Variants in SUSD1 observed in about 807,000 individuals in gnomAD.
SUSD1 encodes sushi domain containing 1, also known as sushi domain-containing protein 1.
SUSD1 carries 65 observed loss-of-function variants against 86.9 expected under a neutral mutation model. That is an observed-to-expected ratio of 0.75 (90% CI 0.61 to 0.92). SUSD1 has a LOEUF of 0.92. SUSD1 is among the 40% of genes least tolerant of loss of function. The pLI, the probability that SUSD1 is intolerant of heterozygous loss-of-function variation, is 0.00. For missense variants in SUSD1, 850 were observed against 929.7 expected (o/e 0.91, Z 1.11); for synonymous variants, 346 against 350.0 (o/e 0.99, Z 0.13).
chr9:112,050,475 A>C (rs542515141), intron 15 of SUSD1, among the ~76,000 whole-genome samples: 1 of 152,318 alleles, frequency 6.6e-6, no homozygotes, highest in African/African-American at 2.4e-5. Flanking sequence ...TATTTCCTGC[A>C]CAGTATTCTC....
At chr9:112,159,066 T>C (rs1833458639) in intron 1 of SUSD1, among the ~76,000 whole-genome samples, 1 of 152,028 alleles carries the variant, frequency 6.6e-6, no homozygotes, top group South Asian at 2.1e-4. Context: ...CAAGTCCCAG[T>C]AGGATGACCA....
chr9:112,144,594 G>A (rs1030239572), intron 3 of SUSD1, among the ~76,000 whole-genome samples: 1 of 152,122 alleles, frequency 6.6e-6, no homozygotes, highest in Non-Finnish European at 1.5e-5. Flanking sequence ...GGAACGAAGT[G>A]AGAACCTGTC....
chr9:112,069,675 C>T (rs373472496), intron 12 of SUSD1, among the ~76,000 whole-genome samples: 14 of 145,650 alleles, frequency 9.6e-5, no homozygotes, highest in East Asian at 5.9e-4. Flanking sequence ...GTGAGAACTC[C>T]GCCCCACCCC....
At position 112,089,767 on chromosome 9, in the gene SUSD1, G is replaced by A. The variant is rs145572338; in HGVS notation, c.1474+8703C>T. The stretch of plus-strand genomic sequence containing the variant: ...GCGGAAGTTGCAGCGAGCTGAGATC[G>A]CGCCACTGCACTCCAGCCTGGGTGA... On this transcript the variant is annotated intron_variant, in intron 10 of 16. Coordinates refer to ENST00000374270, the MANE Select transcript of SUSD1 (RefSeq NM_022486.5). 6.6e-3 allele frequency among the ~76,000 whole-genome samples: 974 copies of A among 147,366 alleles called. 11 individuals are homozygous for A. The highest frequency in any genetic ancestry group is 0.023 in the African/African-American group (901 of 39,974).
chr9:112,086,165 A>T (rs1829966525), intron 10 of SUSD1, among the ~76,000 whole-genome samples: 1 of 151,638 alleles, frequency 6.6e-6, no homozygotes, highest in Non-Finnish European at 1.5e-5. Flanking sequence ...AAAAAATAAA[A>T]AAGTTAGCTG....
At chr9:112,138,224 AAAAAAAAAATG>A (rs1331906071) in intron 5 of SUSD1, among the ~76,000 whole-genome samples, 51 of 4,116 alleles carry the variant, frequency 0.012, 3 homozygotes, top group African/African-American at 0.054. Context: ...ACTCCATCTC[AAAAAAAAAATG>A]TGTATATATA....
At chr9:112,071,771 C>T (rs1829280629) in intron 12 of SUSD1, among the ~76,000 whole-genome samples, 1 of 152,178 alleles carries the variant, frequency 6.6e-6, no homozygotes, top group African/African-American at 2.4e-5. Flanking sequence ...CAGTACAATG[C>T]TACTTTTCTG....
chr9:112,093,950 C>A (rs1316754562), intron 10 of SUSD1, among the ~76,000 whole-genome samples: 1 of 152,046 alleles, frequency 6.6e-6, no homozygotes, highest in Admixed American at 6.5e-5. Flanking sequence ...TTATTTCAGT[C>A]TTTCTTTTCT....
intron 5 of SUSD1, chr9:112,137,995 G>A (rs1438233989): frequency 6.6e-6 from 1 of 151,464 alleles, no homozygotes; most frequent in Non-Finnish European, 1.5e-5. Flanking sequence ...GGCCAAGGTG[G>A]GCGGATCACC....
At chr9:112,135,417 C>T (rs1346214165) in intron 5 of SUSD1, among the ~76,000 whole-genome samples, 1 of 152,094 alleles carries the variant, frequency 6.6e-6, no homozygotes, top group Non-Finnish European at 1.5e-5. Flanking sequence ...AATCTGAACA[C>T]TTCAGAAACT....
chr9:112,078,811 CTTTTT>C (rs71496739), intron 11 of SUSD1, 87 bp from the exon 12 acceptor site: 764 of 639,494 alleles, frequency 1.2e-3, no homozygotes, highest in South Asian at 1.8e-3. Context: ...TTTTCTTTCT[CTTTTT>C]TTTTTTTTTT....
Position 112,113,278 on chromosome 9 carries a change from C to T in SUSD1, c.887-410G>A, listed in dbSNP as rs1831179610. ...CTCTTCCCAGCAGAATGATGGGAAA[C>T]TCCTTCAAGTCACTGCTATCCCCAG... On this transcript the variant is annotated intron_variant, in intron 6 of 16. Coordinates refer to ENST00000374270, the MANE Select transcript of SUSD1 (RefSeq NM_022486.5). This position sits in a 1 kb window ranked among gnomAD's most constrained non-coding sequence, Gnocchi z 4.1. 6.6e-6 allele frequency among the ~76,000 whole-genome samples: 1 copy of T among 152,174 alleles called. No individual in the cohort carries two copies. Among genetic ancestry groups the T allele is most frequent in the African/African-American group, 2.4e-5 (1 of 41,434 alleles).
chr9:112,098,251 A>C (rs896169577), intron 10 of SUSD1, among the ~76,000 whole-genome samples: 5 of 152,142 alleles, frequency 3.3e-5, no homozygotes, highest in African/African-American at 1.2e-4. Flanking sequence ...AAATCAGTCT[A>C]TCCTTGGTCT....
intron 10 of SUSD1, among the ~76,000 whole-genome samples, chr9:112,080,491 C>A (rs1418023096): frequency 6.6e-6 from 1 of 152,106 alleles, no homozygotes; most frequent in Non-Finnish European, 1.5e-5. Flanking sequence ...AGTTCGAGAC[C>A]AGCCTGGCCA....
At chr9:112,078,091 T>A (rs1374156989) in intron 12 of SUSD1, among the ~76,000 whole-genome samples, 1 of 151,396 alleles carries the variant, frequency 6.6e-6, no homozygotes, top group Non-Finnish European at 1.5e-5. Context: ...ACACCTGTAA[T>A]CCCAGCACTT....
chr9:112,091,671 A>G (rs150658491), intron 10 of SUSD1, among the ~76,000 whole-genome samples: 1 of 152,346 alleles, frequency 6.6e-6, no homozygotes, highest in East Asian at 1.9e-4. Flanking sequence ...ATGGCTATAA[A>G]TCAACTATCC....
intron 12 of SUSD1, among the ~76,000 whole-genome samples, chr9:112,066,179 A>G (rs1400471237): frequency 6.6e-6 from 1 of 152,218 alleles, no homozygotes; most frequent in Non-Finnish European, 1.5e-5. Flanking sequence ...AGATTAAACC[A>G]TGACCTAGAA....
chr9:112,125,906 C>T lies in SUSD1; in HGVS notation c.707-1470G>A, dbSNP rs142951045. Reference sequence around the variant, plus strand: ...AGAGTTATTTCCAGGAGGGAGGTTTCCCAGAGCAGGATCTCATCTAATTTC... The same window carrying T: ...AGAGTTATTTCCAGGAGGGAGGTTTTCCAGAGCAGGATCTCATCTAATTTC... On this transcript the variant is annotated intron_variant, in intron 5 of 16. Transcript: ENST00000374270. Among the ~76,000 whole-genome samples the T allele has an allele frequency of 8.2e-3, 1,253 of 152,256 alleles. 4 individuals are homozygous for T. The highest frequency in any genetic ancestry group is 0.013 in the Non-Finnish European group (904 of 68,018).
intron 2 of SUSD1, among the ~76,000 whole-genome samples, chr9:112,154,337 A>C (rs13301026): frequency 0.014 from 1,860 of 130,798 alleles, 15 homozygotes; most frequent in Middle Eastern, 0.023. Flanking sequence ...CACACACACA[A>C]AAAAAAAAAA....
Sources: gnomAD v4.1 joint callset for allele counts (sites outside exome capture counted in the v4.1 genomes callset) on GRCh38, gnomAD v4.1.1 for gene constraint, Gnocchi (gnomAD v3.1) non-coding constraint, MANE v1.5 for transcripts, NCBI Gene and HGNC (gene_info 2026-07-23, HGNC 2026-07-21) for gene names.